Variants in GID4 observed in about 807,000 individuals in gnomAD.
GID4 encodes GID complex subunit 4 homolog.
Under a neutral mutation model 32.4 loss-of-function variants are expected in GID4, and 7 were observed. The observed-to-expected ratio is 0.22, with a 90% confidence interval of 0.12 to 0.41. The LOEUF (loss-of-function observed/expected upper bound fraction) is 0.41, where lower values mean the gene tolerates loss of function less well. GID4 is among the 10% of genes least tolerant of loss of function. The probability of loss-of-function intolerance (pLI) is 1.00; values close to 1 mark genes in which losing one functional copy is unlikely to be tolerated. For missense variants in GID4, 309 were observed against 400.0 expected (o/e 0.77, Z 1.94); for synonymous variants, 166 against 170.0 (o/e 0.98, Z 0.18).
At chr17:18,045,056 G>A in intron 1 of GID4, 91 bp from the exon 2 acceptor site, 2 of 967,876 alleles carry the variant, frequency 2.1e-6, no homozygotes, top group Non-Finnish European at 3.3e-6. Flanking sequence ...CTGACCACCA[G>A]TCTGGCCTCA....
Position 18,040,308 on chromosome 17 carries a change from G to A in GID4, c.438+406G>A, listed in dbSNP as rs981525871. ...TCTCCATTGGTTTCACCAGACTTGGGACCCTCCCCATGTCTGGGCCCACGT... is the reference window on the plus strand; with the variant it reads ...TCTCCATTGGTTTCACCAGACTTGGAACCCTCCCCATGTCTGGGCCCACGT... On this transcript the variant is annotated intron_variant, in intron 1 of 5. Transcript: ENST00000268719. Among the ~76,000 whole-genome samples, 5 of 152,258 alleles carry A rather than the reference G, an allele frequency of 3.3e-5. 1 individual carries two copies. In the Middle Eastern group the frequency reaches 0.014, roughly 414 times the overall value.
chr17:18,065,300 G>T lies in GID4; in HGVS notation c.*57G>T. The T allele has an allele frequency of 1.5e-6, 2 of 1,345,792 alleles. No individual in the cohort carries two copies. Among genetic ancestry groups the T allele is most frequent in the South Asian group, 2.4e-5 (2 of 84,916 alleles). 83.4% of individuals were successfully genotyped at this position (1,345,792 alleles called of 1,614,324 possible). On this transcript the variant is annotated 3_prime_UTR_variant, in exon 6 of 6. Coordinates refer to ENST00000268719, the MANE Select transcript of GID4 (RefSeq NM_024052.5). ...GAACTTGGCAAAAAAGAACTTTGCCGAGAAAATTGTGTACCTGCCAGAACC... is the reference window on the plus strand; with the variant it reads ...GAACTTGGCAAAAAAGAACTTTGCCTAGAAAATTGTGTACCTGCCAGAACC...
In GID4 at chr17:18,061,834, T is replaced by C. The variant is rs930132470; in HGVS notation, c.709-11T>C. 1 of 1,613,862 alleles carries C rather than the reference T, an allele frequency of 6.2e-7. No homozygotes were observed. The highest frequency in any genetic ancestry group is 1.3e-5 in the African/African-American group (1 of 74,922). ...TGCTATCTGTTACTGACCCTCTTCA[T>C]CTGTGTGCAGGAACAGTTTCTGGTC... On this transcript the variant is annotated splice_polypyrimidine_tract_variant and intron_variant, in intron 4 of 5. Coordinates refer to ENST00000268719, the MANE Select transcript of GID4 (RefSeq NM_024052.5). This position sits in a 1 kb window ranked among gnomAD's most constrained non-coding sequence, Gnocchi z 4.4.
intron 1 of GID4, among the ~76,000 whole-genome samples, chr17:18,044,842 G>A (rs999979495): frequency 8.5e-5 from 13 of 152,196 alleles, no homozygotes; most frequent in African/African-American, 2.7e-4. Context: ...CTAGATGACC[G>A]GGAGACGTGT....
intron 2 of GID4, among the ~76,000 whole-genome samples, chr17:18,049,054 G>A (rs895559188): frequency 4.6e-5 from 7 of 151,952 alleles, no homozygotes; most frequent in African/African-American, 1.7e-4. Flanking sequence ...AATGGAGATA[G>A]GCCAGGCACA....
rs2045069167 is a variant in GID4 at position 18,066,912 on chromosome 17, A to G, written c.*1669A>G. ...TCCCAGGACTGTGTACAGAGGGGCA[A>G]CCTACCCATTCAGGAAGGTCAGGGC... On this transcript the variant is annotated 3_prime_UTR_variant, in exon 6 of 6. Coordinates refer to ENST00000268719, the MANE Select transcript of GID4 (RefSeq NM_024052.5). The G allele has an allele frequency of 6.6e-6, 1 of 152,176 alleles. No homozygotes were observed. The allele number at this position is 152,176 out of a possible 1,614,324, so 9.4% of individuals were successfully genotyped here.
chr17:18,051,608 G>A (rs2044910467), intron 2 of GID4, among the ~76,000 whole-genome samples: 1 of 151,764 alleles, frequency 6.6e-6, no homozygotes, highest in Admixed American at 6.6e-5. Context: ...CCGGGAGGCG[G>A]AGGTTGCAGT....
intron 3 of GID4, among the ~76,000 whole-genome samples, chr17:18,054,945 G>A (rs2145565145): frequency 6.6e-6 from 1 of 152,274 alleles, no homozygotes; most frequent in East Asian, 1.9e-4. Context: ...GCCGAGGCGG[G>A]CGGATCACCA....
Position 18,054,308 on chromosome 17 carries a change from C to G in GID4, c.606+74C>G, listed in dbSNP as rs1244162058. 4 of 937,032 alleles carry G rather than the reference C, an allele frequency of 4.3e-6. No homozygotes were observed. The East Asian group carries it at 1.0e-4, about 24-fold the overall frequency. The allele number at this position is 937,032 out of a possible 1,614,324, so 58.0% of individuals were successfully genotyped here. On this transcript the variant is annotated intron_variant, in intron 3 of 5. Coordinates refer to ENST00000268719, the MANE Select transcript of GID4 (RefSeq NM_024052.5). Reference sequence around the variant, plus strand: ...TGAAGAAATGCTGGGAGCCAGAGACCTTGTCCCTTATTGAGGATTACTGGG... The same window carrying G: ...TGAAGAAATGCTGGGAGCCAGAGACGTTGTCCCTTATTGAGGATTACTGGG...
At chr17:18,059,052 T>C in intron 4 of GID4, 83 bp downstream of exon 4, 1 of 760,414 alleles carries the variant, frequency 1.3e-6, no homozygotes, top group Non-Finnish European at 2.3e-6. Context: ...AACCAAGGGC[T>C]CCCCATGTCC....
intron 2 of GID4, among the ~76,000 whole-genome samples, chr17:18,050,371 A>G (rs1484826509): frequency 6.6e-6 from 1 of 152,264 alleles, no homozygotes; most frequent in African/African-American, 2.4e-5. Flanking sequence ...TGTAAAGAAT[A>G]AATATGAAAT....
At chr17:18,055,606 C>T (rs895375267) in intron 3 of GID4, among the ~76,000 whole-genome samples, 5 of 151,928 alleles carry the variant, frequency 3.3e-5, no homozygotes, top group East Asian at 1.9e-4. Context: ...CTCCCACCTC[C>T]GCGCCCCAAG....
Position 18,039,861 on chromosome 17 carries a change from A to C in GID4, c.397A>C (p.Lys133Gln). The C allele has an allele frequency of 6.5e-7, 1 of 1,539,468 alleles. No individual in the cohort carries two copies. Among genetic ancestry groups the C allele is most frequent in the Non-Finnish European group, 8.8e-7 (1 of 1,140,952 alleles). Residue 133 changes from lysine to glutamine, a missense_variant, in exon 1 of 6, where the codon AAG becomes CAG. By Grantham distance (53) the Lys-to-Gln change is moderately conservative. This residue lies in a region of GID4 where 116 missense variants were observed against 214.2 expected (regional missense o/e 0.54). Transcript: ENST00000268719. The surrounding 1 kb of genome is among the most constrained non-coding windows in gnomAD (Gnocchi z 5.3). ...YSGSKFRGHQ[K>Q]SKGNSYDVEV... ...CGGCTCCAAGTTCCGCGGCCACCAG[A>C]AGAGCAAGGGGAACTCGTACGACGT...
intron 3 of GID4, among the ~76,000 whole-genome samples, chr17:18,055,170 CAAAAA>C (rs1229089550): frequency 1.7e-5 from 1 of 59,752 alleles, no homozygotes; most frequent in Non-Finnish European, 3.5e-5. Context: ...GACTCCGTCT[CAAAAA>C]AAAAAAAAAA....
intron 2 of GID4, among the ~76,000 whole-genome samples, chr17:18,053,341 G>A (rs1415689934): frequency 2.0e-5 from 3 of 150,890 alleles, no homozygotes; most frequent in African/African-American, 2.4e-5. Flanking sequence ...GGCTGGGTGC[G>A]GTGGCTCACA....
chr17:18,049,767 A>G (rs2044892454), intron 2 of GID4, among the ~76,000 whole-genome samples: 1 of 151,948 alleles, frequency 6.6e-6, no homozygotes, highest in African/African-American at 2.4e-5. Context: ...CTTCCCAGGT[A>G]GCATGTACCA....
intron 3 of GID4, chr17:18,056,881 G>A: frequency 6.4e-7 from 1 of 1,550,594 alleles, no homozygotes; most frequent in Non-Finnish European, 8.7e-7. Context: ...GTAGTACTCA[G>A]CATTTCCCCT....
chr17:18,063,277 G>C (rs2045032569), intron 5 of GID4, among the ~76,000 whole-genome samples: 1 of 151,192 alleles, frequency 6.6e-6, no homozygotes. Context: ...AGGCGTGCTG[G>C]TACGCACCTG....
At chr17:18,041,316 C>G (rs558551508) in intron 1 of GID4, among the ~76,000 whole-genome samples, 73 of 152,310 alleles carry the variant, frequency 4.8e-4, no homozygotes, top group African/African-American at 1.7e-3. Flanking sequence ...GTAGGTCTCC[C>G]ATCCAAAAGA....
Sources: allele counts gnomAD v4.1 joint callset (sites outside exome capture counted in the v4.1 genomes callset), GRCh38; gene constraint gnomAD v4.1.1; regional missense constraint gnomAD v4.1.1; non-coding constraint Gnocchi (gnomAD v3.1); transcripts MANE v1.5; gene names NCBI Gene and HGNC (gene_info 2026-07-23, HGNC 2026-07-21).